LRRC7: variants seen among roughly 807,000 people sequenced by gnomAD.
LRRC7 encodes leucine rich repeat containing 7, also known as leucine-rich repeat-containing protein 7.
A neutral mutation model predicts 175.7 loss-of-function variants in LRRC7; 23 were observed. The observed-to-expected ratio is 0.13, with a 90% CI of 0.09 to 0.19. LRRC7 has a LOEUF of 0.19. LRRC7 is among the 10% of genes least tolerant of loss of function. The probability of loss-of-function intolerance (pLI) is 1.00; values close to 1 mark genes in which losing one functional copy is unlikely to be tolerated. For missense variants in LRRC7, 1,354 were observed against 1,904.7 expected (o/e 0.71, Z 5.38); for synonymous variants, 685 against 680.9 (o/e 1.01, Z -0.09).
At chr1:69,570,313 A>AAAT (rs35984145) in intron 1 of LRRC7, among the ~76,000 whole-genome samples, 17,282 of 151,242 alleles carry the variant, frequency 0.11, 1,023 homozygotes, top group South Asian at 0.22. Context: ...TATAGAAGGA[A>AAAT]AATAATAATA....
chr1:69,731,936 T>TA (rs1557660172), intron 2 of LRRC7, among the ~76,000 whole-genome samples: 1 of 152,158 alleles, frequency 6.6e-6, no homozygotes, highest in Non-Finnish European at 1.5e-5. Flanking sequence ...CTACTGTCCC[T>TA]AAATTTTCCC....
intron 7 of LRRC7, among the ~76,000 whole-genome samples, chr1:69,910,953 G>C (rs1646507525): frequency 6.6e-6 from 1 of 152,184 alleles, no homozygotes; most frequent in Non-Finnish European, 1.5e-5. Flanking sequence ...ATCTCAGACT[G>C]CTATGCCAGC....
At position 69,869,605 on chromosome 1, in the gene LRRC7, T is replaced by C. The variant is rs913086447; in HGVS notation, c.647+31322T>C. Among the ~76,000 whole-genome samples the C allele has an allele frequency of 7.2e-5, 11 of 152,066 alleles. No homozygotes were observed. In the East Asian group the frequency reaches 7.7e-4, roughly 11 times the overall value. On this transcript the variant is annotated intron_variant, in intron 7 of 26. Coordinates refer to ENST00000651989, the MANE Select transcript of LRRC7 (RefSeq NM_001370785.2). ...GAAACTATGAGAGCCCATCCTCACATACCGAGTGATAAGAACAATATACTT... is the reference window on the plus strand; with the variant it reads ...GAAACTATGAGAGCCCATCCTCACACACCGAGTGATAAGAACAATATACTT...
intron 22 of LRRC7, among the ~76,000 whole-genome samples, chr1:70,052,267 T>C (rs1346974279): frequency 6.6e-6 from 1 of 152,060 alleles, no homozygotes; most frequent in Non-Finnish European, 1.5e-5. Context: ...GGTTAGAATA[T>C]GAAATTCACC....
At chr1:70,087,465 A>T (rs909514510) in intron 24 of LRRC7, among the ~76,000 whole-genome samples, 4 of 152,172 alleles carry the variant, frequency 2.6e-5, no homozygotes, top group Non-Finnish European at 5.9e-5. Flanking sequence ...TGTTTTCATC[A>T]TATTGGTTGC....
At chr1:69,923,214 T>C (rs1646949504) in intron 7 of LRRC7, among the ~76,000 whole-genome samples, 1 of 152,182 alleles carries the variant, frequency 6.6e-6, no homozygotes, top group African/African-American at 2.4e-5. Context: ...ATCCGGTCTA[T>C]CATTGTTGGA....
At chr1:69,960,372 T>C (rs1169846564) in intron 8 of LRRC7, among the ~76,000 whole-genome samples, 1 of 152,130 alleles carries the variant, frequency 6.6e-6, no homozygotes, top group Admixed American at 6.6e-5. Context: ...TTCTTTGCTC[T>C]TTTCTTCTTT....
chr1:70,094,032 T>C (rs1031826615), intron 25 of LRRC7, among the ~76,000 whole-genome samples: 9 of 152,162 alleles, frequency 5.9e-5, no homozygotes, highest in Admixed American at 4.6e-4. Context: ...CCTTGCTCCA[T>C]CTGAGGGAAG....
chr1:69,721,806 G>A (rs1263374340), intron 2 of LRRC7, among the ~76,000 whole-genome samples: 1 of 151,692 alleles, frequency 6.6e-6, no homozygotes, highest in African/African-American at 2.4e-5. Flanking sequence ...GACTTGTTGA[G>A]AAACAAGTAC....
At chr1:69,716,759 T>G (rs983543509) in intron 2 of LRRC7, among the ~76,000 whole-genome samples, 1 of 151,770 alleles carries the variant, frequency 6.6e-6, no homozygotes, top group Non-Finnish European at 1.5e-5. Flanking sequence ...AGAAATGAAA[T>G]AGGAGGTTCA....
At chr1:69,898,665 G>GCTC (rs761447396) in intron 7 of LRRC7, among the ~76,000 whole-genome samples, 1 of 143,080 alleles carries the variant, frequency 7.0e-6, no homozygotes, top group Non-Finnish European at 1.5e-5. Flanking sequence ...TATCATCACT[G>GCTC]CTGCTGCTGC....
At chr1:69,609,952 C>T (rs181726852) in intron 1 of LRRC7, among the ~76,000 whole-genome samples, 1 of 152,144 alleles carries the variant, frequency 6.6e-6, no homozygotes, top group East Asian at 1.9e-4. Flanking sequence ...AATGGACCCA[C>T]TATGTCCAAT....
chr1:69,976,206 A>T (rs1652802363), intron 8 of LRRC7, among the ~76,000 whole-genome samples: 1 of 152,192 alleles, frequency 6.6e-6, no homozygotes, highest in South Asian at 2.1e-4. Flanking sequence ...GTATTAACTC[A>T]CATGATCATA....
At chr1:69,903,522 C>T (rs1441867001) in intron 7 of LRRC7, among the ~76,000 whole-genome samples, 1 of 151,830 alleles carries the variant, frequency 6.6e-6, no homozygotes, top group Non-Finnish European at 1.5e-5. Flanking sequence ...CCACATGGGC[C>T]CTTATAGCAC....
intron 7 of LRRC7, among the ~76,000 whole-genome samples, chr1:69,848,567 T>G (rs1682623812): frequency 1.3e-5 from 2 of 152,232 alleles, no homozygotes; most frequent in African/African-American, 2.4e-5. Context: ...AACTACCCCA[T>G]TATTGATAGT....
At position 70,132,380 on chromosome 1, in the gene LRRC7, T is replaced by C. The variant is rs1334935316; in HGVS notation, c.*10493T>C. 6.6e-6 allele frequency: 1 copy of C among 152,250 alleles called. No homozygotes were observed. The highest frequency in any genetic ancestry group is 1.9e-4 in the East Asian group (1 of 5,208). The allele number at this position is 152,250 out of a possible 1,614,324, so 9.4% of individuals were successfully genotyped here. ...ATAGGTAATGCTTTAGTCATACAAC[T>C]TCTCAGAACAAGGAAAAAAGTTATC... is the stretch of plus-strand genomic sequence containing the variant. On this transcript the variant is annotated 3_prime_UTR_variant, in exon 27 of 27. Transcript: ENST00000651989.
intron 1 of LRRC7, among the ~76,000 whole-genome samples, chr1:69,576,425 G>A (rs1159015894): frequency 6.6e-6 from 1 of 152,026 alleles, no homozygotes; most frequent in Non-Finnish European, 1.5e-5. Flanking sequence ...GTAAATTTAA[G>A]GCAAGATGTT....
chr1:69,935,315 G>T (rs544966579), intron 8 of LRRC7, among the ~76,000 whole-genome samples: 1 of 152,246 alleles, frequency 6.6e-6, no homozygotes, highest in South Asian at 2.1e-4. Context: ...AGCAGGTAGT[G>T]CTTGAATAGA....
At chr1:69,892,273 G>A (rs1297799982) in intron 7 of LRRC7, among the ~76,000 whole-genome samples, 1 of 152,132 alleles carries the variant, frequency 6.6e-6, no homozygotes, top group Non-Finnish European at 1.5e-5. Flanking sequence ...TTCTGATCAG[G>A]GAAGTAAGTT....
Sources: allele counts gnomAD v4.1 joint callset (sites outside exome capture counted in the v4.1 genomes callset), GRCh38; gene constraint gnomAD v4.1.1; transcripts MANE v1.5; gene names NCBI Gene and HGNC (gene_info 2026-07-23, HGNC 2026-07-21).